Variants in CNTNAP2 observed in about 807,000 individuals in gnomAD.
CNTNAP2 encodes the protein contactin-associated protein-like 2.
In CNTNAP2, 98 loss-of-function variants were observed where a neutral mutation model predicts 155.2. The observed-to-expected ratio is 0.63, with a 90% CI of 0.54 to 0.75. The LOEUF is 0.75. CNTNAP2 is among the 30% of genes least tolerant of loss of function. The probability of loss-of-function intolerance (pLI) is 0.00; values close to 1 mark genes in which losing one functional copy is unlikely to be tolerated. For synonymous variants in CNTNAP2, 651 were observed against 631.2 expected, an observed-to-expected ratio of 1.03 and a Z score of -0.47; for missense variants, 1,727 against 1,688.1, an observed-to-expected ratio of 1.02 and a Z score of -0.40.
intron 21 of CNTNAP2, among the ~76,000 whole-genome samples, chr7:148,334,973 C>A (rs1324345144): frequency 6.6e-6 from 1 of 152,240 alleles, no homozygotes; most frequent in African/African-American, 2.4e-5. Context: ...GGTGGAACCA[C>A]TCAAAGACGG....
At chr7:148,400,279 G>A (rs1261200842) in intron 22 of CNTNAP2, among the ~76,000 whole-genome samples, 4 of 152,210 alleles carry the variant, frequency 2.6e-5, no homozygotes, top group Admixed American at 6.5e-5. Context: ...CTGCCGCCAC[G>A]CGCATTCTGG....
At chr7:146,976,597 G>C (rs1797916248) in intron 3 of CNTNAP2, among the ~76,000 whole-genome samples, 1 of 152,204 alleles carries the variant, frequency 6.6e-6, no homozygotes, top group Non-Finnish European at 1.5e-5. Flanking sequence ...GAGGTATGCA[G>C]GAAGGGGCCT....
intron 9 of CNTNAP2, among the ~76,000 whole-genome samples, chr7:147,353,906 T>TA (rs1796012824): frequency 1.3e-5 from 2 of 152,224 alleles, no homozygotes; most frequent in South Asian, 4.1e-4. Flanking sequence ...GATGATGAGC[T>TA]TTTTTCATGT....
At chr7:146,572,330 G>A (rs949603055) in intron 1 of CNTNAP2, among the ~76,000 whole-genome samples, 2 of 149,500 alleles carry the variant, frequency 1.3e-5, no homozygotes, top group Non-Finnish European at 3.0e-5. Context: ...AAATCCCTGG[G>A]AAAGAAAGCA....
At chr7:147,240,070 T>A (rs192209334) in intron 8 of CNTNAP2, among the ~76,000 whole-genome samples, 2 of 152,318 alleles carry the variant, frequency 1.3e-5, no homozygotes, top group Admixed American at 1.3e-4. Flanking sequence ...GCTGATAAAC[T>A]TTTTATGCCT....
At chr7:148,156,594 C>T (rs1805403396) in intron 17 of CNTNAP2, among the ~76,000 whole-genome samples, 1 of 152,048 alleles carries the variant, frequency 6.6e-6, no homozygotes, top group East Asian at 1.9e-4. Context: ...ATAATTTGTG[C>T]CAATGTCTCT....
chr7:147,544,847 C>G (rs1042955507), intron 11 of CNTNAP2, among the ~76,000 whole-genome samples: 2 of 152,120 alleles, frequency 1.3e-5, no homozygotes, highest in African/African-American at 2.4e-5. Context: ...CTCTCATTCT[C>G]TCTTGCCTGC....
At position 147,238,388 on chromosome 7, in the gene CNTNAP2, C is replaced by A. The variant is rs761711570; in HGVS notation, c.1349-61753C>A. 2.8e-5 allele frequency among the ~76,000 whole-genome samples: 4 copies of A among 144,064 alleles called. 1 individual carries two copies. The highest frequency in any genetic ancestry group is 1.5e-5 in the Non-Finnish European group (1 of 66,752). 94.5% of individuals were successfully genotyped at this position (144,064 alleles called of 152,430 possible). Reference sequence around the variant, plus strand: ...AGATATAGTCCAAATTTCATTCCTACAAATATGTGTGCAGACACACACACA... The same window carrying A: ...AGATATAGTCCAAATTTCATTCCTAAAAATATGTGTGCAGACACACACACA... On this transcript the variant is annotated intron_variant, in intron 8 of 23. Transcript: ENST00000361727.
At chr7:147,355,531 A>G (rs1436280465) in intron 9 of CNTNAP2, among the ~76,000 whole-genome samples, 3 of 152,058 alleles carry the variant, frequency 2.0e-5, no homozygotes, top group Non-Finnish European at 4.4e-5. Flanking sequence ...TTAACAAAAT[A>G]GATAGACTGC....
intron 1 of CNTNAP2, among the ~76,000 whole-genome samples, chr7:146,577,899 G>A (rs569290976): frequency 6.6e-6 from 1 of 152,124 alleles, no homozygotes; most frequent in South Asian, 2.1e-4. Context: ...TTTGACTCAG[G>A]ATTGCTTGGG....
chr7:146,976,267 G>T (rs1797907899), intron 3 of CNTNAP2, among the ~76,000 whole-genome samples: 1 of 152,132 alleles, frequency 6.6e-6, no homozygotes, highest in Non-Finnish European at 1.5e-5. Context: ...TAAGCAACCA[G>T]TTCTGCAGTG....
chr7:146,131,037 C>A (rs1167321683), intron 1 of CNTNAP2, among the ~76,000 whole-genome samples: 2 of 152,168 alleles, frequency 1.3e-5, no homozygotes, highest in Non-Finnish European at 2.9e-5. Flanking sequence ...AGAGCCAAAC[C>A]ATATCAATCG....
At chr7:147,142,652 C>T (rs1389433153) in intron 8 of CNTNAP2, among the ~76,000 whole-genome samples, 1 of 152,122 alleles carries the variant, frequency 6.6e-6, no homozygotes, top group Middle Eastern at 3.2e-3. Context: ...AGGAATGGCA[C>T]CAGCTCCTCC....
intron 9 of CNTNAP2, among the ~76,000 whole-genome samples, chr7:147,362,013 G>T (rs1324953779): frequency 6.6e-6 from 1 of 152,310 alleles, no homozygotes; most frequent in South Asian, 2.1e-4. Context: ...GCATTCGGCT[G>T]GAACAGTGGG....
rs985888541 is a variant in CNTNAP2, at chr7:148,414,044, T to A, written c.3797-1373T>A. 3.5e-4 allele frequency among the ~76,000 whole-genome samples: 53 copies of A among 152,210 alleles called. 1 individual carries two copies. Among genetic ancestry groups the A allele is most frequent in the Non-Finnish European group, 2.1e-4 (14 of 68,022 alleles). On this transcript the variant is annotated intron_variant, in intron 23 of 23. Coordinates refer to ENST00000361727, the MANE Select transcript of CNTNAP2 (RefSeq NM_014141.6). ...ATATTTACTTCTGTTTTATCTAATC[T>A]GTATTATTTCATCCAGTATTTTTTT...
At chr7:146,525,816 C>A (rs1797682959) in intron 1 of CNTNAP2, among the ~76,000 whole-genome samples, 1 of 152,078 alleles carries the variant, frequency 6.6e-6, no homozygotes, top group African/African-American at 2.4e-5. Flanking sequence ...TCAACTGTAT[C>A]CCCTTGGGAT....
At chr7:147,511,192 C>T (rs375752871) in intron 11 of CNTNAP2, among the ~76,000 whole-genome samples, 1 of 151,896 alleles carries the variant, frequency 6.6e-6, no homozygotes, top group African/African-American at 2.4e-5. Flanking sequence ...TGCAGTTTTT[C>T]GCCCCTCTGG....
At chr7:148,350,471 A>G (rs770325509) in intron 21 of CNTNAP2, among the ~76,000 whole-genome samples, 43 of 152,226 alleles carry the variant, frequency 2.8e-4, no homozygotes, top group Non-Finnish European at 5.0e-4. Context: ...GTAGTAAACA[A>G]TGTGTAATAT....
chr7:147,677,462 G>A (rs189810728), intron 13 of CNTNAP2, among the ~76,000 whole-genome samples: 1 of 151,960 alleles, frequency 6.6e-6, no homozygotes, highest in East Asian at 1.9e-4. Flanking sequence ...CCCCCATTCT[G>A]TAGGTTTTCT....
Sources: allele counts gnomAD v4.1 joint callset (sites outside exome capture counted in the v4.1 genomes callset), GRCh38; gene constraint gnomAD v4.1.1; transcripts MANE v1.5; gene names NCBI Gene and HGNC (gene_info 2026-07-23, HGNC 2026-07-21).